The following MAP4K3 variants were observed in gnomAD, a reference collection of about 807,000 sequenced individuals.
The protein encoded by MAP4K3 is MAPK/ERK kinase kinase kinase 3.
Under a neutral mutation model 143.5 loss-of-function variants are expected in MAP4K3, and 94 were observed. That is an observed-to-expected ratio of 0.65 (90% CI 0.55 to 0.78). The LOEUF (loss-of-function observed/expected upper bound fraction) is 0.78. Among genes scored for constraint, MAP4K3 ranks in the 30% least tolerant of loss-of-function variants. The probability of loss-of-function intolerance (pLI) is 0.00; values close to 1 mark genes in which losing one functional copy is unlikely to be tolerated. For missense variants in MAP4K3, 1,077 were observed against 1,068.1 expected, an observed-to-expected ratio of 1.01 and a Z score of -0.12; for synonymous variants, 416 against 347.2, an observed-to-expected ratio of 1.20 and a Z score of -2.20.
chr2:39,373,232 C>A (rs964404377), intron 2 of MAP4K3, among the ~76,000 whole-genome samples: 1 of 152,046 alleles, frequency 6.6e-6, no homozygotes, highest in African/African-American at 2.4e-5. Flanking sequence ...CAAAACTATA[C>A]CATGAGATAT....
At chr2:39,375,342 A>G (rs1666189465) in intron 2 of MAP4K3, among the ~76,000 whole-genome samples, 1 of 151,878 alleles carries the variant, frequency 6.6e-6, no homozygotes, top group East Asian at 1.9e-4. Context: ...CCCAAATAAA[A>G]CCGGAGTCTA....
At chr2:39,367,956 G>A (rs1390880575) in intron 2 of MAP4K3, among the ~76,000 whole-genome samples, 3 of 152,106 alleles carry the variant, frequency 2.0e-5, no homozygotes, top group East Asian at 1.9e-4. Context: ...ATTCTCTAGT[G>A]CAAATGGATT....
chr2:39,355,849 T>C (rs1046543983), intron 3 of MAP4K3, among the ~76,000 whole-genome samples: 3 of 152,166 alleles, frequency 2.0e-5, no homozygotes, highest in Non-Finnish European at 4.4e-5. Context: ...TAAAGTAATA[T>C]AGTACTCTTA....
chr2:39,395,422 G>C (rs549502852), intron 1 of MAP4K3, among the ~76,000 whole-genome samples: 2 of 152,140 alleles, frequency 1.3e-5, no homozygotes, highest in East Asian at 3.9e-4. Context: ...TCCACTATCT[G>C]ATAATGCTGG....
chr2:39,287,446 C>A (rs976119303), intron 20 of MAP4K3, among the ~76,000 whole-genome samples: 3 of 152,046 alleles, frequency 2.0e-5, no homozygotes, highest in Non-Finnish European at 4.4e-5. Flanking sequence ...TACAGGCATG[C>A]GCTACCACGC....
chr2:39,432,633 A>G (rs1665325432), intron 1 of MAP4K3, among the ~76,000 whole-genome samples: 1 of 152,248 alleles, frequency 6.6e-6, no homozygotes, highest in African/African-American at 2.4e-5. Flanking sequence ...AGTTTTCCAG[A>G]AAGGTTCTCA....
chr2:39,371,802 C>T (rs1381926200), intron 2 of MAP4K3, among the ~76,000 whole-genome samples: 1 of 150,968 alleles, frequency 6.6e-6, no homozygotes, highest in Non-Finnish European at 1.5e-5. Flanking sequence ...ACATATATAT[C>T]CTCTCTCTCT....
At chr2:39,384,918 C>T (rs977725179) in intron 1 of MAP4K3, among the ~76,000 whole-genome samples, 1 of 152,162 alleles carries the variant, frequency 6.6e-6, no homozygotes, top group African/African-American at 2.4e-5. Flanking sequence ...CATAATCCTC[C>T]CTAAACCCTG....
chr2:39,342,954 A>G (rs1665183859), intron 4 of MAP4K3, among the ~76,000 whole-genome samples: 1 of 152,218 alleles, frequency 6.6e-6, no homozygotes, highest in East Asian at 1.9e-4. Context: ...AAATGTTTTA[A>G]TCATTTTTGA....
intron 31 of MAP4K3, among the ~76,000 whole-genome samples, chr2:39,257,112 G>A (rs893891311): frequency 6.6e-6 from 1 of 152,146 alleles, no homozygotes; most frequent in Non-Finnish European, 1.5e-5. Context: ...ATAAGACAAT[G>A]AACTAACTGC....
intron 28 of MAP4K3, among the ~76,000 whole-genome samples, chr2:39,264,866 A>T (rs2148445329): frequency 6.6e-6 from 1 of 152,298 alleles, no homozygotes; most frequent in African/African-American, 2.4e-5. Context: ...TGCAACCTGT[A>T]TGTTGTTTTC....
intron 4 of MAP4K3, among the ~76,000 whole-genome samples, chr2:39,339,428 T>C (rs1665077662): frequency 2.0e-5 from 3 of 152,156 alleles, no homozygotes. Context: ...CTAGCTAACT[T>C]TACAAACAGT....
At chr2:39,282,616 T>C in intron 21 of MAP4K3, 62 bp from the exon 22 acceptor site, 3 of 1,043,652 alleles carry the variant, frequency 2.9e-6, no homozygotes. Flanking sequence ...AATAATACTG[T>C]ATTTCAAACA....
intron 31 of MAP4K3, among the ~76,000 whole-genome samples, chr2:39,257,796 CA>C (rs1285158564): frequency 2.5e-3 from 151 of 59,672 alleles, no homozygotes; most frequent in East Asian, 0.012. Flanking sequence ...CACTCCATCT[CA>C]AAAAAAAAAA....
chr2:39,409,560 G>A (rs189129359), intron 1 of MAP4K3, among the ~76,000 whole-genome samples: 3 of 152,132 alleles, frequency 2.0e-5, no homozygotes, highest in East Asian at 3.9e-4. Flanking sequence ...AAAACAAAAC[G>A]ACAACAACAA....
At chr2:39,367,596 G>A (rs1665960505) in intron 2 of MAP4K3, among the ~76,000 whole-genome samples, 1 of 151,508 alleles carries the variant, frequency 6.6e-6, no homozygotes, top group Non-Finnish European at 1.5e-5. Flanking sequence ...CATGGCCCTG[G>A]CTCCCTAAAA....
chr2:39,349,907 T>C (rs1174028038), intron 3 of MAP4K3, among the ~76,000 whole-genome samples: 4 of 152,206 alleles, frequency 2.6e-5, no homozygotes, highest in Non-Finnish European at 5.9e-5. Context: ...GAAAATATCC[T>C]AGCAATACTG....
intron 24 of MAP4K3, among the ~76,000 whole-genome samples, chr2:39,277,330 A>G (rs549728390): frequency 1.3e-5 from 2 of 152,246 alleles, no homozygotes; most frequent in South Asian, 2.1e-4. Context: ...ACAAACTTCT[A>G]TTCATCATAA....
At chr2:39,375,764 G>A (rs1229416347) in intron 2 of MAP4K3, among the ~76,000 whole-genome samples, 2 of 152,034 alleles carry the variant, frequency 1.3e-5, no homozygotes, top group South Asian at 2.1e-4. Flanking sequence ...AGTCCACCTC[G>A]TCCCCAGCTC....
Sources: gnomAD v4.1 joint callset for allele counts (sites outside exome capture counted in the v4.1 genomes callset) on GRCh38, gnomAD v4.1.1 for gene constraint, MANE v1.5 for transcripts, NCBI Gene and HGNC (gene_info 2026-07-23, HGNC 2026-07-21) for gene names.